The following GLIS3 variants were observed in gnomAD, a reference collection of about 807,000 sequenced individuals.
GLIS3 encodes GLIS family zinc finger 3.
A neutral mutation model predicts 78.6 loss-of-function variants in GLIS3; 53 were observed. The observed-to-expected ratio is 0.67, with a 90% CI of 0.54 to 0.85. GLIS3 has a LOEUF of 0.85. GLIS3 is among the 40% of genes least tolerant of loss of function. The pLI, the probability that GLIS3 is intolerant of heterozygous loss-of-function variation, is 0.00. For synonymous variants in GLIS3, 684 were observed against 509.9 expected (o/e 1.34, Z -4.60); for missense variants, 1,703 against 1,231.1 (o/e 1.38, Z -5.74).
chr9:4,440,598 C>G, the GLIS3 span, among the ~76,000 whole-genome samples: 1 of 152,076 alleles, frequency 6.6e-6, no homozygotes, highest in Admixed American at 6.6e-5. Flanking sequence ...TAGTGTTACA[C>G]CTTTGTTCAG....
At chr9:3,953,156 A>T (rs1816815185) in intron 4 of GLIS3, among the ~76,000 whole-genome samples, 1 of 152,204 alleles carries the variant, frequency 6.6e-6, no homozygotes, top group African/African-American at 2.4e-5. Flanking sequence ...CCATATCTTT[A>T]GTACCCCAAT....
At chr9:3,940,270 T>A (rs929813035) in intron 4 of GLIS3, among the ~76,000 whole-genome samples, 19 of 152,224 alleles carry the variant, frequency 1.2e-4, no homozygotes, top group African/African-American at 4.1e-4. Flanking sequence ...CCTTTTATCC[T>A]TCTTATTTTT....
At chr9:3,934,428 G>GAA (rs1825782208) in intron 5 of GLIS3, among the ~76,000 whole-genome samples, 8 of 92,198 alleles carry the variant, frequency 8.7e-5, no homozygotes, top group African/African-American at 3.3e-4. Context: ...TTTTTTTTTT[G>GAA]AGATGGAGTC....
intron 2 of GLIS3, among the ~76,000 whole-genome samples, chr9:4,174,645 G>A (rs1291380130): frequency 6.6e-6 from 1 of 152,168 alleles, no homozygotes; most frequent in Non-Finnish European, 1.5e-5. Context: ...CAGATGCTAA[G>A]TCTGTAAACT....
At chr9:4,331,277 T>C (rs1340224329) in intron 2 of GLIS3, among the ~76,000 whole-genome samples, 1 of 152,158 alleles carries the variant, frequency 6.6e-6, no homozygotes, top group Non-Finnish European at 1.5e-5. Context: ...TCACAGGGCC[T>C]TCTTTTGTGC....
the GLIS3 span, among the ~76,000 whole-genome samples, chr9:4,465,208 G>T: frequency 1.3e-5 from 2 of 152,222 alleles, no homozygotes; most frequent in Non-Finnish European, 2.9e-5. Context: ...AATCCTGTAA[G>T]AATGGAGGAA....
At chr9:4,323,476 T>C (rs10814933) in intron 2 of GLIS3, among the ~76,000 whole-genome samples, 43,339 of 152,104 alleles carry the variant, frequency 0.28, 7,913 homozygotes, top group African/African-American at 0.52. Context: ...GATTCATTCA[T>C]TTATATTACT....
In GLIS3 at chr9:4,125,957, T is replaced by C; in HGVS notation, c.389-16A>G. On this transcript the variant is annotated splice_polypyrimidine_tract_variant and intron_variant, in intron 2 of 10. Transcript: ENST00000381971. ...CCAAGAGCCCCTAAAAACAAATGAA[T>C]CAGGTTAGCTTTCATGTCCCTTACA... 1 of 1,600,242 alleles carries C rather than the reference T, an allele frequency of 6.2e-7. No homozygotes were observed. Among genetic ancestry groups the C allele is most frequent in the Non-Finnish European group, 8.6e-7 (1 of 1,167,584 alleles).
At chr9:3,948,990 G>A (rs992436671) in intron 4 of GLIS3, among the ~76,000 whole-genome samples, 40 of 152,116 alleles carry the variant, frequency 2.6e-4, no homozygotes, top group Non-Finnish European at 5.9e-4. Context: ...GACATAGAGA[G>A]GTTAAGTGAC....
intron 4 of GLIS3, among the ~76,000 whole-genome samples, chr9:4,022,362 A>G (rs1317424172): frequency 6.6e-6 from 1 of 152,218 alleles, no homozygotes; most frequent in Admixed American, 6.5e-5. Context: ...AGCATATTTT[A>G]TAAAAGCACA....
the GLIS3 span, among the ~76,000 whole-genome samples, chr9:4,371,653 G>A: frequency 2.6e-5 from 4 of 152,102 alleles, no homozygotes; most frequent in East Asian, 7.7e-4. Context: ...CTTTCAACTG[G>A]CCTCTGCCCC....
intron 2 of GLIS3, among the ~76,000 whole-genome samples, chr9:4,171,715 T>C (rs1181923397): frequency 6.6e-6 from 1 of 152,204 alleles, no homozygotes; most frequent in Non-Finnish European, 1.5e-5. Flanking sequence ...TGAACTGTTT[T>C]TCTTTTGATA....
At chr9:3,918,655 CT>C (rs529380497) in intron 6 of GLIS3, among the ~76,000 whole-genome samples, 3 of 152,178 alleles carry the variant, frequency 2.0e-5, no homozygotes, top group Non-Finnish European at 4.4e-5. Context: ...CTGTGGCAGG[CT>C]AACTTGCTAG....
At chr9:3,886,032 C>T (rs1822050272) in intron 7 of GLIS3, among the ~76,000 whole-genome samples, 2 of 152,188 alleles carry the variant, frequency 1.3e-5, no homozygotes, top group Admixed American at 1.3e-4. Flanking sequence ...GCCTGAACGC[C>T]AGTCAAGTGC....
intron 1 of GLIS3, chr9:4,298,499 C>A: frequency 2.3e-6 from 1 of 438,926 alleles, no homozygotes; most frequent in Non-Finnish European, 4.6e-6. Context: ...TTGGAACTGT[C>A]GCTCGGGGCA....
At chr9:3,862,607 G>C (rs748653884) in intron 8 of GLIS3, among the ~76,000 whole-genome samples, 1 of 152,020 alleles carries the variant, frequency 6.6e-6, no homozygotes, top group Non-Finnish European at 1.5e-5. Context: ...CATTTGTACT[G>C]TACGCACAAG....
intron 4 of GLIS3, among the ~76,000 whole-genome samples, chr9:3,992,567 C>T (rs773585881): frequency 6.6e-6 from 1 of 152,130 alleles, no homozygotes; most frequent in Non-Finnish European, 1.5e-5. Flanking sequence ...CCCAGAAACT[C>T]AATATGAACA....
chr9:4,385,536 G>T, the GLIS3 span, among the ~76,000 whole-genome samples: 1 of 151,730 alleles, frequency 6.6e-6, no homozygotes, highest in Non-Finnish European at 1.5e-5. Flanking sequence ...GTAGTGATGG[G>T]CACCTGTAAT....
At position 3,977,516 on chromosome 9, in the gene GLIS3, A is replaced by G. The variant is rs530672829; in HGVS notation, c.1711-40327T>C. On this transcript the variant is annotated intron_variant, in intron 4 of 10. Coordinates refer to ENST00000381971, the MANE Select transcript of GLIS3 (RefSeq NM_001042413.2). The surrounding 1 kb of genome is among the most constrained non-coding windows in gnomAD (Gnocchi z 4.1). ...TTTTGGCACCCGGCACAGCTTAGCA[A>G]TTTTGAGAGCCCATCAAAACAGCAG... is the stretch of plus-strand genomic sequence containing the variant. 1.1e-4 allele frequency among the ~76,000 whole-genome samples: 17 copies of G among 152,282 alleles called. No homozygotes were observed. The highest frequency in any genetic ancestry group is 1.6e-4 in the Non-Finnish European group (11 of 68,002).
Sources: gnomAD v4.1 joint callset for allele counts (sites outside exome capture counted in the v4.1 genomes callset) on GRCh38, gnomAD v4.1.1 for gene constraint, Gnocchi (gnomAD v3.1) non-coding constraint, MANE v1.5 for transcripts, NCBI Gene and HGNC (gene_info 2026-07-23, HGNC 2026-07-21) for gene names.